UGT1A10: variants seen among roughly 807,000 people sequenced by gnomAD.
UGT1A10 encodes the protein UDP-glucuronosyltransferase 1A10.
In UGT1A10, 49 loss-of-function variants were observed where a neutral mutation model predicts 45.8. The ratio of observed to expected loss-of-function variants is 1.07; its 90% CI spans 0.85 to 1.36. The LOEUF (loss-of-function observed/expected upper bound fraction) is 1.36. UGT1A10 is among the 40% of genes most tolerant of loss of function. The pLI is 0.00. For synonymous variants in UGT1A10, 284 were observed against 249.7 expected (o/e 1.14, Z -1.29); for missense variants, 745 against 668.6 (o/e 1.11, Z -1.26).
chr2:233,746,269 G>A (rs1473358649), intron 1 of UGT1A10, among the ~76,000 whole-genome samples: 3 of 151,774 alleles, frequency 2.0e-5, no homozygotes, highest in South Asian at 2.1e-4. Flanking sequence ...ACAAAACGCT[G>A]TGGGGATTCA....
intron 1 of UGT1A10, among the ~76,000 whole-genome samples, chr2:233,749,893 C>G (rs141027223): frequency 8.5e-5 from 13 of 152,056 alleles, no homozygotes; most frequent in East Asian, 5.8e-4. Context: ...GAGGCTCCCC[C>G]CTCCAGCCAC....
At chr2:233,637,529 A>C in intron 1 of UGT1A10, 152 bp downstream of exon 1, 13 of 1,386,558 alleles carry the variant, frequency 9.4e-6, no homozygotes, top group African/African-American at 1.4e-5. Flanking sequence ...TCATGTACTC[A>C]TCAATTATCA....
chr2:233,661,622 A>ATTTTCTTTCTTTCTTTTC (rs71058570), intron 1 of UGT1A10, among the ~76,000 whole-genome samples: 2 of 68,474 alleles, frequency 2.9e-5, no homozygotes, highest in South Asian at 5.2e-4. Context: ...GACTTACTGA[A>ATTTTCTTTCTTTCTTTTC]TTTTCTTTCT....
intron 1 of UGT1A10, among the ~76,000 whole-genome samples, chr2:233,714,632 T>C (rs994949094): frequency 2.6e-5 from 4 of 152,224 alleles, no homozygotes; most frequent in African/African-American, 7.2e-5. Context: ...ACCACTAAAA[T>C]TAATGTGAAT....
intron 1 of UGT1A10, chr2:233,691,019 G>A (rs149229244): frequency 8.9e-5 from 88 of 992,638 alleles, no homozygotes; most frequent in Non-Finnish European, 1.0e-4. Flanking sequence ...GGCTGTGGTT[G>A]GAAGGGCTCA....
At chr2:233,768,015 A>T in intron 3 of UGT1A10, 79 bp downstream of exon 3, 4 of 1,613,904 alleles carry the variant, frequency 2.5e-6, no homozygotes, top group Non-Finnish European at 3.4e-6. Context: ...ATTCTAAAGG[A>T]TTGTTGAGCT....
chr2:233,747,785 C>T, intron 1 of UGT1A10: 1 of 1,613,494 alleles, frequency 6.2e-7, no homozygotes, highest in Non-Finnish European at 8.5e-7. Context: ...CAAATCCTTC[C>T]TCCTATATTC....
rs200049653 is a variant in UGT1A10, at chr2:233,662,003, TG to T, written c.855+24628del. On this transcript the variant is annotated intron_variant, in intron 1 of 4. Coordinates refer to ENST00000344644, the MANE Select transcript of UGT1A10 (RefSeq NM_019075.4). ...GATCAGCCTCACACGGCGTACTGAG[TG>T]GATACTTGCAACACTTGAACTCCCT... Among the ~76,000 whole-genome samples the T allele has an allele frequency of 3.3e-5, 5 of 152,204 alleles. No homozygotes were observed. The East Asian group carries it at 9.7e-4, about 29-fold the overall frequency.
intron 1 of UGT1A10, among the ~76,000 whole-genome samples, chr2:233,753,816 G>A (rs1559398295): frequency 6.6e-6 from 1 of 152,164 alleles, no homozygotes; most frequent in Non-Finnish European, 1.5e-5. Flanking sequence ...GGAGAACCAC[G>A]TTAGGGCTGA....
intron 1 of UGT1A10, among the ~76,000 whole-genome samples, chr2:233,668,282 A>G (rs1017357475): frequency 1.3e-5 from 2 of 151,810 alleles, no homozygotes; most frequent in African/African-American, 4.8e-5. Flanking sequence ...TTTAAATCCC[A>G]CCTATGAGTG....
At chr2:233,641,284 A>G (rs750265742) in intron 1 of UGT1A10, among the ~76,000 whole-genome samples, 33 of 152,200 alleles carry the variant, frequency 2.2e-4, no homozygotes, top group Non-Finnish European at 4.0e-4. Flanking sequence ...GCCACCCATG[A>G]CAGTTACCAT....
At chr2:233,725,185 C>G (rs113275054) in intron 1 of UGT1A10, among the ~76,000 whole-genome samples, 730 of 70,066 alleles carry the variant, frequency 0.01, 54 homozygotes, top group African/African-American at 0.042. Context: ...TGGGGAGAGG[C>G]AGAGGCAGAG....
intron 1 of UGT1A10, among the ~76,000 whole-genome samples, chr2:233,661,828 G>A (rs17862851): frequency 0.042 from 6,394 of 151,270 alleles, 159 homozygotes; most frequent in Non-Finnish European, 0.061. Flanking sequence ...AGCACTTGAG[G>A]CATCACTAGC....
rs138183896 is a variant in UGT1A10 at position 233,760,581 on chromosome 2, T to C, written c.856-6453T>C. The C allele has an allele frequency of 2.4e-4, 385 of 1,614,108 alleles. No individual in the cohort carries two copies. Among genetic ancestry groups the C allele is most frequent in the Non-Finnish European group, 3.1e-4 (370 of 1,180,052 alleles). ...AGTCTTTTGTTAGTCTCGGGCATAATGTTTTTGAGAATGATTCTTTCCTGC... is the reference window on the plus strand; with the variant it reads ...AGTCTTTTGTTAGTCTCGGGCATAACGTTTTTGAGAATGATTCTTTCCTGC... On this transcript the variant is annotated intron_variant, in intron 1 of 4. Transcript: ENST00000344644.
At chr2:233,664,541 C>A (rs1253420916) in intron 1 of UGT1A10, among the ~76,000 whole-genome samples, 1 of 152,186 alleles carries the variant, frequency 6.6e-6, no homozygotes, top group African/African-American at 2.4e-5. Context: ...TCTGGGGAAG[C>A]CTCAGGGAGT....
chr2:233,742,752 T>C (rs1692089245), intron 1 of UGT1A10: 2 of 152,902 alleles, frequency 1.3e-5, no homozygotes, highest in Admixed American at 1.3e-4. Flanking sequence ...CTCCAAAATA[T>C]TAAGATAATA....
chr2:233,755,044 C>T (rs1695716601), intron 1 of UGT1A10: 3 of 1,324,814 alleles, frequency 2.3e-6, no homozygotes, highest in East Asian at 4.6e-5. Flanking sequence ...CCTGCGCAGC[C>T]GCCCTCCGCC....
intron 1 of UGT1A10, among the ~76,000 whole-genome samples, chr2:233,731,408 T>C (rs2078155079): frequency 6.6e-6 from 1 of 152,094 alleles, no homozygotes; most frequent in Non-Finnish European, 1.5e-5. Flanking sequence ...TTACATTAGG[T>C]ATTTTTCCTA....
At chr2:233,670,636 G>C (rs941515855) in intron 1 of UGT1A10, among the ~76,000 whole-genome samples, 1 of 152,014 alleles carries the variant, frequency 6.6e-6, no homozygotes, top group African/African-American at 2.4e-5. Flanking sequence ...GATTCCTCTG[G>C]TGTGGTGTCT....
Sources: allele counts gnomAD v4.1 joint callset (sites outside exome capture counted in the v4.1 genomes callset), GRCh38; gene constraint gnomAD v4.1.1; transcripts MANE v1.5; gene names NCBI Gene and HGNC (gene_info 2026-07-23, HGNC 2026-07-21).